Variants in ALKAL2 observed in about 807,000 individuals in gnomAD.
The protein encoded by ALKAL2 is AUG-alpha.
In ALKAL2, 8 loss-of-function variants were observed where a neutral mutation model predicts 18.5. The ratio of observed to expected loss-of-function variants is 0.43; its 90% confidence interval spans 0.25 to 0.78. The LOEUF (loss-of-function observed/expected upper bound fraction) is 0.78, where lower values mean the gene tolerates loss of function less well. Among genes scored for constraint, ALKAL2 ranks in the 30% least tolerant of loss-of-function variants. The probability of loss-of-function intolerance (pLI) is 0.22; values close to 1 mark genes in which losing one functional copy is unlikely to be tolerated. For synonymous variants in ALKAL2, 135 were observed against 95.8 expected (o/e 1.41, Z -2.39); for missense variants, 241 against 211.2 (o/e 1.14, Z -0.88).
rs990208973 is a variant in ALKAL2, at chr2:286,099, T to C, written c.388+24A>G. On this transcript the variant is annotated intron_variant, in intron 4 of 5. Coordinates refer to ENST00000403610, the MANE Select transcript of ALKAL2 (RefSeq NM_001002919.3). ...CTGCCTGCACTGCTCTTGCATTTTA[T>C]AAAAATCCAATGCTGTTACTTACAT... 19 of 1,598,660 alleles carry C rather than the reference T, an allele frequency of 1.2e-5. No individual in the cohort carries two copies. The South Asian group carries it at 2.0e-4, about 17-fold the overall frequency.
chr2:282,971 T>C, intron 5 of ALKAL2, 140 bp downstream of exon 5: 1 of 896,200 alleles, frequency 1.1e-6, no homozygotes, highest in Non-Finnish European at 1.7e-6. Context: ...CACTGTGAGA[T>C]GAGTGTTGTG....
rs1374272434 is a variant in ALKAL2 at position 287,665 on chromosome 2, C to A, written c.171G>T (p.Lys57Asn). ...AGTCCCGCCCGAGGAGCTGCAGGCC[C>A]TTGTGCTCCGCCGAGTGGTGCTTCC... ...ELRKHHSAEH[K>N]GLQLLGRDCA... The change falls in exon 2 of 6, where the codon AAG (lysine) becomes AAT (asparagine). Residue 57 changes from lysine to asparagine, a missense_variant. Lys to Asn is a moderately conservative substitution (Grantham distance 94). Transcript: ENST00000403610. The A allele has an allele frequency of 6.7e-7, 1 of 1,485,034 alleles. No individual in the cohort carries two copies. The highest frequency in any genetic ancestry group is 8.9e-7 in the Non-Finnish European group (1 of 1,124,180). The allele number at this position is 1,485,034 out of a possible 1,614,324, so 92.0% of individuals were successfully genotyped here. A position where few individuals can be genotyped will look rare whatever the true frequency, so the allele number is the denominator to read the frequency against.
Position 286,211 on chromosome 2 carries a change from A to G in ALKAL2, c.308-8T>C, listed in dbSNP as rs1384691045. On this transcript the variant is annotated splice_polypyrimidine_tract_variant and splice_region_variant and intron_variant, in intron 3 of 5. Coordinates refer to ENST00000403610, the MANE Select transcript of ALKAL2 (RefSeq NM_001002919.3). ...GACTAAAATAAAGAGGGCCTGGAAC[A>G]CGGAAGAAGAAACAGATCATGAAGA... The G allele has an allele frequency of 6.2e-7, 1 of 1,613,702 alleles. No individual in the cohort carries two copies. Among genetic ancestry groups the G allele is most frequent in the Non-Finnish European group, 8.5e-7 (1 of 1,179,684 alleles).
chr2:287,827 T>TCCGCGCATCGTGCGCTCGGGG lies in ALKAL2; in HGVS notation c.-13_8dup (p.Pro4_Gly5insGluArgThrMetArgGlyPro). 7.8e-7 allele frequency: 1 copy of TCCGCGCATCGTGCGCTCGGGG among 1,283,392 alleles called. No individual in the cohort carries two copies. Among genetic ancestry groups the TCCGCGCATCGTGCGCTCGGGG allele is most frequent in the Non-Finnish European group, 9.8e-7 (1 of 1,022,788 alleles). The allele number at this position is 1,283,392 out of a possible 1,614,324, so 79.5% of individuals were successfully genotyped here. On this transcript the variant is annotated inframe_insertion, in exon 2 of 6. Coordinates refer to ENST00000403610, the MANE Select transcript of ALKAL2 (RefSeq NM_001002919.3). ...GCCCCAGGAGGAGGGGGTGCCCGGGTCCGCGCATCGTGCGCTCGGGGCCGC... is the reference window on the plus strand; with the variant it reads ...GCCCCAGGAGGAGGGGGTGCCCGGGTCCGCGCATCGTGCGCTCGGGGCCGCGCATCGTGCGCTCGGGGCCGC...
chr2:286,495 C>A (rs1013068019), intron 2 of ALKAL2, 152 bp from the exon 3 acceptor site: 1 of 599,928 alleles, frequency 1.7e-6, no homozygotes, highest in Admixed American at 3.3e-5. Context: ...TTGCAACACA[C>A]GACAGTGAAG....
chr2:280,076 T>G lies in ALKAL2; in HGVS notation c.*71A>C. The G allele has an allele frequency of 6.4e-7, 1 of 1,566,004 alleles. No individual in the cohort carries two copies. Among genetic ancestry groups the G allele is most frequent in the Non-Finnish European group, 8.8e-7 (1 of 1,136,048 alleles). On this transcript the variant is annotated 3_prime_UTR_variant, in exon 6 of 6. Transcript: ENST00000403610. ...GTCCATGAGGGGATGTGTATAAAGA[T>G]AGTTCTGTTTCCCTGTTGGTTTCCA...
At chr2:282,018 G>A (rs1221180398) in intron 5 of ALKAL2, among the ~76,000 whole-genome samples, 1 of 152,164 alleles carries the variant, frequency 6.6e-6, no homozygotes, top group African/African-American at 2.4e-5. Context: ...AAAGTGCAGT[G>A]AAACTGTGCA....
chr2:280,472 A>G (rs139955812), intron 5 of ALKAL2, among the ~76,000 whole-genome samples: 13 of 152,364 alleles, frequency 8.5e-5, no homozygotes, highest in African/African-American at 3.1e-4. Context: ...ACAGGGATTA[A>G]CCTGGCAGTT....
In ALKAL2 at chr2:286,207, G is replaced by A. The variant is rs1446354234; in HGVS notation, c.308-4C>T. On this transcript the variant is annotated splice_polypyrimidine_tract_variant and splice_region_variant and intron_variant, in intron 3 of 5. Transcript: ENST00000403610. ...TTTGGACTAAAATAAAGAGGGCCTG[G>A]AACACGGAAGAAGAAACAGATCATG... 2 of 1,613,664 alleles carry A rather than the reference G, an allele frequency of 1.2e-6. No homozygotes were observed. The highest frequency in any genetic ancestry group is 1.7e-5 in the Admixed American group (1 of 60,008).
rs1205958117 is a variant in ALKAL2 at position 282,721 on chromosome 2, T to C, written c.453+390A>G. Among the ~76,000 whole-genome samples, 6 of 152,218 alleles carry C rather than the reference T, an allele frequency of 3.9e-5. 1 individual carries two copies. The highest frequency in any genetic ancestry group is 3.3e-4 in the Admixed American group (5 of 15,278). On this transcript the variant is annotated intron_variant, in intron 5 of 5. Transcript: ENST00000403610. ...CAACTCAAACATGTACCAGATGTGA[T>C]AATCTGAATTTGCAGGGACAATGTT...
chr2:281,538 C>T (rs565821480), intron 5 of ALKAL2, among the ~76,000 whole-genome samples: 108 of 152,286 alleles, frequency 7.1e-4, no homozygotes, highest in Non-Finnish European at 9.4e-4. Context: ...GCAGGACGTG[C>T]GCACGCAGAG....
At chr2:286,435 C>T in intron 2 of ALKAL2, 92 bp from the exon 3 acceptor site, 3 of 952,048 alleles carry the variant, frequency 3.2e-6, no homozygotes. Flanking sequence ...ATTGGAGCTC[C>T]ATATTAGCCA....
chr2:286,006 G>A (rs1188384529), intron 4 of ALKAL2, 117 bp downstream of exon 4: 2 of 837,780 alleles, frequency 2.4e-6, no homozygotes, highest in Non-Finnish European at 3.8e-6. Flanking sequence ...TCCATAGTGA[G>A]GAAGGAATAG....
intron 4 of ALKAL2, chr2:285,835 A>G: frequency 2.7e-6 from 1 of 371,402 alleles, no homozygotes; most frequent in African/African-American, 2.0e-5. Context: ...TAGAGTACAC[A>G]CAAACATGGG....
At chr2:283,198 T>G in intron 4 of ALKAL2, 23 bp from the exon 5 acceptor site, 2 of 1,600,688 alleles carry the variant, frequency 1.2e-6, no homozygotes, top group Non-Finnish European at 1.7e-6. Context: ...TATATCAGAC[T>G]CTTGTCAGTT....
Position 280,164 on chromosome 2 carries a change from T to TA in ALKAL2, c.454-13dup, listed in dbSNP as rs569316765. The TA allele has an allele frequency of 5.6e-6, 9 of 1,613,994 alleles. No individual in the cohort carries two copies. In the Admixed American group the frequency reaches 1.2e-4, roughly 21 times the overall value. On this transcript the variant is annotated splice_polypyrimidine_tract_variant and intron_variant, in intron 5 of 5. Coordinates refer to ENST00000403610, the MANE Select transcript of ALKAL2 (RefSeq NM_001002919.3). The stretch of plus-strand genomic sequence containing the variant: ...CGGTCTGCTCACTGCTGAAAACAAA[T>TA]ACATTGCGTGTGATATGACTATCCA...
chr2:286,347 T>A lies in ALKAL2; in HGVS notation c.254-4A>T, dbSNP rs370667225. 21 of 1,607,362 alleles carry A rather than the reference T, an allele frequency of 1.3e-5. No individual in the cohort carries two copies. Among genetic ancestry groups the A allele is most frequent in the Non-Finnish European group, 1.8e-5 (21 of 1,176,224 alleles). The stretch of plus-strand genomic sequence containing the variant: ...CTCAGATCTCGAGGAACAATTTCTG[T>A]TTCAGGGAAAAGAAAGTATTATATT... On this transcript the variant is annotated splice_polypyrimidine_tract_variant and splice_region_variant and intron_variant, in intron 2 of 5. Transcript: ENST00000403610.
intron 5 of ALKAL2, among the ~76,000 whole-genome samples, chr2:282,769 G>GTGAA (rs891326801): frequency 6.6e-6 from 1 of 152,256 alleles, no homozygotes; most frequent in Non-Finnish European, 1.5e-5. Context: ...ACTTGTGTTA[G>GTGAA]TGAATGAATG....
chr2:284,579 G>GAGC (rs1183173040), intron 4 of ALKAL2, among the ~76,000 whole-genome samples: 8 of 152,164 alleles, frequency 5.3e-5, no homozygotes, highest in African/African-American at 1.9e-4. Context: ...ATGGCCCAGG[G>GAGC]TGAGCTGTGA....
Sources: allele counts gnomAD v4.1 joint callset (sites outside exome capture counted in the v4.1 genomes callset), GRCh38; gene constraint gnomAD v4.1.1; transcripts MANE v1.5; gene names NCBI Gene and HGNC (gene_info 2026-07-23, HGNC 2026-07-21).